BICD1: variants seen among roughly 807,000 people sequenced by gnomAD.
BICD1 encodes the protein BICD cargo adaptor 1.
A neutral mutation model predicts 92.5 loss-of-function variants in BICD1; 35 were observed. The observed-to-expected ratio is 0.38, with a 90% CI of 0.29 to 0.50. The LOEUF is 0.50. Ranked by LOEUF, BICD1 falls within the 20% of genes least tolerant of loss-of-function variation. BICD1 has a pLI of 0.93. For missense variants in BICD1, 950 were observed against 1,189.8 expected, an observed-to-expected ratio of 0.80 and a Z score of 2.97; for synonymous variants, 429 against 465.1, an observed-to-expected ratio of 0.92 and a Z score of 1.00.
intron 1 of BICD1, among the ~76,000 whole-genome samples, chr12:32,140,171 G>T (rs943048393): frequency 3.3e-5 from 5 of 152,116 alleles, no homozygotes; most frequent in African/African-American, 1.2e-4. Context: ...TTCCTGCATG[G>T]GTCTTGGTTT....
At chr12:32,259,370 G>C (rs1946799547) in intron 2 of BICD1, among the ~76,000 whole-genome samples, 1 of 152,148 alleles carries the variant, frequency 6.6e-6, no homozygotes, top group Non-Finnish European at 1.5e-5. Context: ...AGGATTATTG[G>C]AAAAATTACT....
At chr12:32,372,700 G>A (rs1262138193) in intron 9 of BICD1, among the ~76,000 whole-genome samples, 2 of 151,990 alleles carry the variant, frequency 1.3e-5, no homozygotes, top group Non-Finnish European at 2.9e-5. Context: ...GCAACTTGGT[G>A]AAACCCTGTC....
chr12:32,173,057 G>GTT (rs199900687), intron 1 of BICD1, among the ~76,000 whole-genome samples: 3 of 143,152 alleles, frequency 2.1e-5, no homozygotes, highest in Non-Finnish European at 3.1e-5. Context: ...TTTTTTTTTT[G>GTT]TTTTTTTTGG....
intron 1 of BICD1, among the ~76,000 whole-genome samples, chr12:32,123,475 A>G (rs780322629): frequency 6.6e-6 from 1 of 152,246 alleles, no homozygotes; most frequent in Non-Finnish European, 1.5e-5. Context: ...TCAGTATCCC[A>G]TGAGGTATAT....
chr12:32,329,451 C>T (rs11051936), intron 5 of BICD1, among the ~76,000 whole-genome samples: 35,456 of 151,850 alleles, frequency 0.23, 4,560 homozygotes, highest in East Asian at 0.6. Flanking sequence ...CTTAGAGAAA[C>T]AAGAGCGCTA....
chr12:32,190,307 A>AT (rs1437226788), intron 1 of BICD1, among the ~76,000 whole-genome samples: 1 of 152,258 alleles, frequency 6.6e-6, no homozygotes, highest in East Asian at 1.9e-4. Context: ...GGCCAAATGG[A>AT]TTAAAAGAAA....
At chr12:32,266,857 C>A (rs199810613) in intron 2 of BICD1, among the ~76,000 whole-genome samples, 125 of 138,114 alleles carry the variant, frequency 9.1e-4, no homozygotes, top group South Asian at 1.4e-3. Context: ...GACTCTGTCT[C>A]AAAAAAAAAA....
intron 8 of BICD1, 24 bp from the exon 9 acceptor site, chr12:32,367,646 G>T: frequency 6.2e-7 from 1 of 1,608,780 alleles, no homozygotes. Flanking sequence ...TTGTACACAT[G>T]TCTAATTTAT....
In BICD1 at chr12:32,356,367, G is replaced by T. The variant is rs1287339609; in HGVS notation, c.2765-11303G>T. Reference sequence around the variant, plus strand: ...CAGAGGAGAGAGAATAGAGAATAAAGAGGGCCAGGCGCGGTGGCTCATGCC... The same window carrying T: ...CAGAGGAGAGAGAATAGAGAATAAATAGGGCCAGGCGCGGTGGCTCATGCC... On this transcript the variant is annotated intron_variant, in intron 8 of 9. Transcript: ENST00000652176. Among the ~76,000 whole-genome samples the T allele has an allele frequency of 2.0e-5, 3 of 152,208 alleles. No homozygotes were observed. In the South Asian group the frequency reaches 6.2e-4, roughly 32 times the overall value.
intron 2 of BICD1, among the ~76,000 whole-genome samples, chr12:32,247,111 G>T (rs1220154568): frequency 6.6e-6 from 1 of 151,800 alleles, no homozygotes; most frequent in African/African-American, 2.4e-5. Flanking sequence ...ACAAAAATTA[G>T]CCCGGTATGG....
intron 1 of BICD1, among the ~76,000 whole-genome samples, chr12:32,186,191 A>G (rs1460997155): frequency 6.6e-6 from 1 of 152,138 alleles, no homozygotes; most frequent in Non-Finnish European, 1.5e-5. Flanking sequence ...CCCTATCCTG[A>G]CCTTGCTTTG....
intron 1 of BICD1, among the ~76,000 whole-genome samples, chr12:32,114,533 G>A (rs1050707880): frequency 2.6e-5 from 4 of 151,892 alleles, no homozygotes; most frequent in African/African-American, 9.7e-5. Flanking sequence ...GGTGCACACC[G>A]CCATGCCTGA....
At chr12:32,367,886 A>G (rs1939586244) in intron 9 of BICD1, 141 bp downstream of exon 9, 1 of 735,706 alleles carries the variant, frequency 1.4e-6, no homozygotes, top group African/African-American at 1.7e-5. Flanking sequence ...ATAGACACAC[A>G]TTGGACACCT....
At chr12:32,166,717 A>G (rs1267253438) in intron 1 of BICD1, among the ~76,000 whole-genome samples, 1 of 152,198 alleles carries the variant, frequency 6.6e-6, no homozygotes, top group Non-Finnish European at 1.5e-5. Context: ...GATTACAGAC[A>G]GGCGCCTGTC....
chr12:32,191,607 T>A (rs1326072119), intron 1 of BICD1, among the ~76,000 whole-genome samples: 2 of 144,616 alleles, frequency 1.4e-5, no homozygotes, highest in East Asian at 4.0e-4. Context: ...GTAATATATA[T>A]AATACGTATA....
intron 3 of BICD1, among the ~76,000 whole-genome samples, chr12:32,296,263 T>TG (rs1565649947): frequency 4.8e-5 from 7 of 145,930 alleles, no homozygotes; most frequent in African/African-American, 1.8e-4. Flanking sequence ...TTTGTTTTTT[T>TG]TTTTTTTTTT....
intron 1 of BICD1, among the ~76,000 whole-genome samples, chr12:32,153,760 T>C (rs1943356417): frequency 1.4e-5 from 2 of 147,360 alleles, no homozygotes; most frequent in South Asian, 4.2e-4. Flanking sequence ...TGTATATATA[T>C]GTGTGTGTAC....
At chr12:32,139,774 G>A (rs1014449348) in intron 1 of BICD1, among the ~76,000 whole-genome samples, 1 of 152,126 alleles carries the variant, frequency 6.6e-6, no homozygotes, top group African/African-American at 2.4e-5. Context: ...ATGTTGGCCA[G>A]GATGCTCAAA....
At chr12:32,137,979 A>ACTAAAACTGTGGG (rs1942787828) in intron 1 of BICD1, among the ~76,000 whole-genome samples, 1 of 152,056 alleles carries the variant, frequency 6.6e-6, no homozygotes. Flanking sequence ...TGGTGTTTTT[A>ACTAAAACTGTGGG]GTAGGGACAG....
Sources: allele counts gnomAD v4.1 joint callset (sites outside exome capture counted in the v4.1 genomes callset), GRCh38; gene constraint gnomAD v4.1.1; transcripts MANE v1.5; gene names NCBI Gene and HGNC (gene_info 2026-07-23, HGNC 2026-07-21).